Variants in ITM2C observed in about 807,000 individuals in gnomAD.
ITM2C encodes integral membrane protein 2C, also known as BRICHOS domain containing 2C.
ITM2C carries 20 observed loss-of-function variants against 30.0 expected under a neutral mutation model. The ratio of observed to expected loss-of-function variants is 0.67; its 90% CI spans 0.47 to 0.97. The LOEUF is 0.97. Ranked by LOEUF, ITM2C falls within the 50% of genes least tolerant of loss-of-function variation. The pLI is 0.00. For synonymous variants in ITM2C, 167 were observed against 156.4 expected, an observed-to-expected ratio of 1.07 and a Z score of -0.51; for missense variants, 366 against 371.9, an observed-to-expected ratio of 0.98 and a Z score of 0.13.
chr2:230,875,543 T>C, intron 2 of ITM2C, 77 bp from the exon 3 acceptor site: 1 of 1,301,754 alleles, frequency 7.7e-7, no homozygotes, highest in Non-Finnish European at 1.1e-6. Context: ...AGCGGACGGG[T>C]AGGCAAGAGG....
In ITM2C at chr2:230,875,819, C is replaced by A; in HGVS notation, c.450+11C>A. 7.0e-7 allele frequency: 1 copy of A among 1,435,906 alleles called. No individual in the cohort carries two copies. Among genetic ancestry groups the A allele is most frequent in the South Asian group, 1.5e-5 (1 of 66,706 alleles). The allele number at this position is 1,435,906 out of a possible 1,614,324, so 88.9% of individuals were successfully genotyped here. On this transcript the variant is annotated intron_variant, in intron 3 of 5. Coordinates refer to ENST00000326427, the MANE Select transcript of ITM2C (RefSeq NM_030926.6). ...CATGACTTCCAGCGGGTGAGGCTGGCCAGGGCCTGGGGGTGGGGGGTGGGA... is the reference window on the plus strand; with the variant it reads ...CATGACTTCCAGCGGGTGAGGCTGGACAGGGCCTGGGGGTGGGGGGTGGGA...
chr2:230,865,138 C>T lies in ITM2C; in HGVS notation c.113C>T (p.Pro38Leu), dbSNP rs1466637602. The T allele has an allele frequency of 1.3e-6, 2 of 1,485,238 alleles. No homozygotes were observed. Among genetic ancestry groups the T allele is most frequent in the South Asian group, 1.3e-5 (1 of 78,056 alleles). The allele number at this position is 1,485,238 out of a possible 1,614,324, so 92.0% of individuals were successfully genotyped here. ...PASATEILLTPAREEQPPQHR... is the reference protein window; with the variant it reads ...PASATEILLTLAREEQPPQHR... ...TCGGCCACCGAGATCCTGCTGACGC[C>T]GGCTAGGGTGAGAGGGTCTGGGGCT... is the stretch of plus-strand genomic sequence containing the variant. Residue 38 changes from proline (P) to leucine (L), a missense_variant, in exon 1 of 6, where the codon CCG (proline) becomes CTG (leucine). Transcript: ENST00000326427. This position sits in a 1 kb window ranked among gnomAD's most constrained non-coding sequence, Gnocchi z 6.8.
intron 1 of ITM2C, among the ~76,000 whole-genome samples, chr2:230,869,197 G>T (rs904706984): frequency 1.3e-5 from 2 of 152,208 alleles, no homozygotes; most frequent in African/African-American, 4.8e-5. Context: ...GTCTGGAGAT[G>T]CCTTGACTAT....
In ITM2C at chr2:230,878,112, C is replaced by A. The variant is rs192245304; in HGVS notation, c.*13C>A. ...CGGGGTGGTGTGAGGCCCTCCTCCC[C>A]CAGAACCCCCTGCCGTGTTCCTCTT... On this transcript the variant is annotated 3_prime_UTR_variant, in exon 6 of 6. Coordinates refer to ENST00000326427, the MANE Select transcript of ITM2C (RefSeq NM_030926.6). This position sits in a 1 kb window ranked among gnomAD's most constrained non-coding sequence, Gnocchi z 4.5. The A allele has an allele frequency of 1.6e-3, 2,506 of 1,551,662 alleles. 35 individuals carry two copies. The East Asian group carries it at 0.025, about 16-fold the overall frequency.
chr2:230,877,341 G>A lies in ITM2C; in HGVS notation c.562-59G>A, dbSNP rs979083240. On this transcript the variant is annotated intron_variant, in intron 4 of 5. Transcript: ENST00000326427. The surrounding 1 kb of genome is among the most constrained non-coding windows in gnomAD (Gnocchi z 4.8). ...AGGGAGGTGGGCTGGCATTTCGGGC[G>A]AGGGGTTGGACGAAAGCCTGAGGGG... 47 of 1,578,578 alleles carry A rather than the reference G, an allele frequency of 3.0e-5. No individual in the cohort carries two copies. The highest frequency in any genetic ancestry group is 4.5e-5 in the South Asian group (4 of 88,278).
rs564951523 is a variant in ITM2C at position 230,878,201 on chromosome 2, G to A, written c.*102G>A. The A allele has an allele frequency of 3.3e-5, 25 of 768,112 alleles. No homozygotes were observed. The highest frequency in any genetic ancestry group is 5.7e-5 in the South Asian group (3 of 52,842). 47.6% of individuals were successfully genotyped at this position (768,112 alleles called of 1,614,324 possible). On this transcript the variant is annotated 3_prime_UTR_variant, in exon 6 of 6. Transcript: ENST00000326427. The surrounding 1 kb of genome is among the most constrained non-coding windows in gnomAD (Gnocchi z 4.5). ...CCTGCTTAGCTTGTACTTTGGACGC[G>A]TTTCTATAGAGGTGACATGTCTCTC...
intron 1 of ITM2C, 99 bp from the exon 2 acceptor site, chr2:230,873,318 C>A: frequency 8.1e-7 from 1 of 1,239,758 alleles, no homozygotes; most frequent in Non-Finnish European, 1.1e-6. Flanking sequence ...CCCCAAGACT[C>A]CCTCCGGGCC....
At chr2:230,874,377 C>T (rs942763996) in intron 2 of ITM2C, among the ~76,000 whole-genome samples, 4 of 152,140 alleles carry the variant, frequency 2.6e-5, no homozygotes, top group African/African-American at 7.2e-5. Context: ...CTGCCCCGCC[C>T]CACTCCCTCC....
At chr2:230,876,606 C>T (rs536068811) in intron 3 of ITM2C, among the ~76,000 whole-genome samples, 2 of 152,296 alleles carry the variant, frequency 1.3e-5, no homozygotes, top group South Asian at 4.1e-4. Flanking sequence ...CTCAGCCCCC[C>T]GAGTAGCTGG....
chr2:230,866,177 G>C (rs898992421), intron 1 of ITM2C, among the ~76,000 whole-genome samples: 3 of 152,324 alleles, frequency 2.0e-5, no homozygotes, highest in African/African-American at 7.2e-5. Flanking sequence ...TGTCTACGTG[G>C]GCGCCGCCCC....
Position 230,876,868 on chromosome 2 carries a change from G to A in ITM2C, c.462G>A (p.Ala154=), listed in dbSNP as rs762409755. 1.1e-5 allele frequency: 17 copies of A among 1,612,734 alleles called. No individual in the cohort carries two copies. The highest frequency in any genetic ancestry group is 3.3e-5 in the Admixed American group (2 of 59,982). The change falls in exon 4 of 6, where the codon GCG becomes GCA. Residue 154 remains alanine (A), a synonymous_variant. Coordinates refer to ENST00000326427, the MANE Select transcript of ITM2C (RefSeq NM_030926.6). ...CCTTCTCCTGCCAGGGTCTGACTGC[G>A]TACCATGATATCTCCCTGGACAAGT... ...IIHDFQRGLT[A]YHDISLDKCY...
chr2:230,875,824 G>A lies in ITM2C; in HGVS notation c.450+16G>A. 1 of 390,142 alleles carries A rather than the reference G, an allele frequency of 2.6e-6. No homozygotes were observed. Among genetic ancestry groups the A allele is most frequent in the Non-Finnish European group, 4.9e-6 (1 of 206,130 alleles). 24.2% of individuals were successfully genotyped at this position (390,142 alleles called of 1,614,324 possible). On this transcript the variant is annotated intron_variant, in intron 3 of 5. Coordinates refer to ENST00000326427, the MANE Select transcript of ITM2C (RefSeq NM_030926.6). ...CTTCCAGCGGGTGAGGCTGGCCAGG[G>A]CCTGGGGGTGGGGGGTGGGAGGGTG...
chr2:230,873,069 A>G (rs542980517), intron 1 of ITM2C, among the ~76,000 whole-genome samples: 3 of 152,206 alleles, frequency 2.0e-5, no homozygotes, highest in East Asian at 3.9e-4. Flanking sequence ...TTGAAAGAAT[A>G]TACCACGGTC....
upstream of ITM2C, chr2:230,864,802 C>A (rs748537860): frequency 3.2e-6 from 1 of 311,078 alleles, no homozygotes; most frequent in Non-Finnish European, 5.4e-6. This position sits in a 1 kb window ranked among gnomAD's most constrained non-coding sequence, Gnocchi z 4.3. Context: ...GCGGCGCGCC[C>A]GGCAGGGGTC....
chr2:230,872,982 G>A (rs1195240100), intron 1 of ITM2C, among the ~76,000 whole-genome samples: 4 of 152,152 alleles, frequency 2.6e-5, no homozygotes, highest in South Asian at 2.1e-4. Flanking sequence ...AGCCTGCCTG[G>A]TGTGTCTCAA....
intron 2 of ITM2C, among the ~76,000 whole-genome samples, chr2:230,875,047 C>T (rs138004754): frequency 6.6e-6 from 1 of 152,330 alleles, no homozygotes; most frequent in East Asian, 1.9e-4. Flanking sequence ...CACCTCCCCA[C>T]CCGCCGTGTT....
intron 1 of ITM2C, among the ~76,000 whole-genome samples, chr2:230,872,650 G>A (rs1487972227): frequency 2.0e-5 from 3 of 152,134 alleles, no homozygotes; most frequent in African/African-American, 7.2e-5. Flanking sequence ...AAGCTTCCGG[G>A]CTTCATCCTG....
At chr2:230,875,002 G>A (rs962168439) in intron 2 of ITM2C, among the ~76,000 whole-genome samples, 2 of 152,088 alleles carry the variant, frequency 1.3e-5, no homozygotes, top group Admixed American at 6.6e-5. Flanking sequence ...ACCGTGATAG[G>A]GGCACAAGAC....
intron 1 of ITM2C, among the ~76,000 whole-genome samples, chr2:230,872,225 C>A (rs1296788864): frequency 6.6e-6 from 1 of 152,220 alleles, no homozygotes; most frequent in African/African-American, 2.4e-5. Flanking sequence ...CAGGGACTGA[C>A]CTCTAACCTC....
Sources: allele counts gnomAD v4.1 joint callset (sites outside exome capture counted in the v4.1 genomes callset), GRCh38; gene constraint gnomAD v4.1.1; non-coding constraint Gnocchi (gnomAD v3.1); transcripts MANE v1.5; gene names NCBI Gene and HGNC (gene_info 2026-07-23, HGNC 2026-07-21).